GPHN: variants seen among roughly 807,000 people sequenced by gnomAD.
GPHN encodes the protein gephyrin.
GPHN carries 17 observed loss-of-function variants against 95.5 expected under a neutral mutation model. The observed-to-expected ratio is 0.18, with a 90% CI of 0.12 to 0.27. The LOEUF is 0.27. Ranked by LOEUF, GPHN falls within the 10% of genes least tolerant of loss-of-function variation. GPHN has a pLI of 1.00. For synonymous variants in GPHN, 320 were observed against 322.5 expected, an observed-to-expected ratio of 0.99 and a Z score of 0.08; for missense variants, 660 against 978.1, an observed-to-expected ratio of 0.67 and a Z score of 4.34.
At chr14:67,578,685 GA>G in the GPHN span, 1 of 1,118,226 alleles carries the variant, frequency 8.9e-7, no homozygotes, top group Non-Finnish European at 1.3e-6. The surrounding 1 kb of genome is among the most constrained non-coding windows in gnomAD (Gnocchi z 5.0). Context: ...ACTGCCGCAT[GA>G]ATAAGAGGGA....
intron 10 of GPHN, among the ~76,000 whole-genome samples, chr14:67,056,591 T>C (rs550647418): frequency 6.6e-6 from 1 of 152,330 alleles, no homozygotes; most frequent in African/African-American, 2.4e-5. Context: ...TGCTGATTGG[T>C]GCATATACAA....
chr14:66,824,014 G>T (rs759936643), intron 3 of GPHN, among the ~76,000 whole-genome samples: 6 of 152,092 alleles, frequency 3.9e-5, no homozygotes, highest in Non-Finnish European at 7.4e-5. Context: ...TATAAACTAG[G>T]TGTGTAATTT....
chr14:66,941,945 C>A (rs550690560), intron 8 of GPHN, among the ~76,000 whole-genome samples: 30 of 152,182 alleles, frequency 2.0e-4, no homozygotes, highest in African/African-American at 7.0e-4. Context: ...AGCAATATTC[C>A]AAAAAACTCA....
At chr14:67,254,982 C>T in the GPHN span, among the ~76,000 whole-genome samples, 1 of 152,144 alleles carries the variant, frequency 6.6e-6, no homozygotes, top group African/African-American at 2.4e-5. Context: ...AACCTCTTCT[C>T]TACTAAAAAT....
At chr14:66,578,694 C>A (rs1219850601) in intron 1 of GPHN, among the ~76,000 whole-genome samples, 7 of 130,704 alleles carry the variant, frequency 5.4e-5, no homozygotes, top group African/African-American at 8.6e-5. Context: ...ATTTCTTGCT[C>A]AAAGAAAGAA....
At chr14:67,727,484 T>G in the GPHN span, 1 of 345,418 alleles carries the variant, frequency 2.9e-6, no homozygotes, top group Admixed American at 4.5e-5. Flanking sequence ...TTGTTTTTTT[T>G]GTTTTTTTTT....
At chr14:66,515,247 G>A (rs2058193706) in intron 1 of GPHN, among the ~76,000 whole-genome samples, 3 of 152,084 alleles carry the variant, frequency 2.0e-5, no homozygotes. Context: ...CATAGCATCT[G>A]TTAATGAAGT....
At chr14:66,537,901 C>T (rs2059200651) in intron 1 of GPHN, among the ~76,000 whole-genome samples, 1 of 152,154 alleles carries the variant, frequency 6.6e-6, no homozygotes, top group Non-Finnish European at 1.5e-5. Flanking sequence ...GATCATAGCT[C>T]ACTGCAGCCT....
At chr14:67,313,432 CCACCA>C in the GPHN span, among the ~76,000 whole-genome samples, 1 of 152,150 alleles carries the variant, frequency 6.6e-6, no homozygotes, top group African/African-American at 2.4e-5. Flanking sequence ...ATTCCTCCAA[CCACCA>C]TCATATATAT....
At chr14:67,576,055 G>A in the GPHN span, 1 of 1,405,664 alleles carries the variant, frequency 7.1e-7, no homozygotes, top group Admixed American at 2.1e-5. The surrounding 1 kb of genome is among the most constrained non-coding windows in gnomAD (Gnocchi z 4.0). Context: ...CTGTGATTCT[G>A]ATCTTCCCTT....
chr14:67,485,830 G>A, the GPHN span, among the ~76,000 whole-genome samples: 1 of 152,160 alleles, frequency 6.6e-6, no homozygotes, highest in South Asian at 2.1e-4. Context: ...TCTCGCTGAG[G>A]AGGAGATGCT....
the GPHN span, among the ~76,000 whole-genome samples, chr14:67,538,870 A>G: frequency 6.6e-6 from 1 of 152,196 alleles, no homozygotes; most frequent in Non-Finnish European, 1.5e-5. Flanking sequence ...AACTAGGTAT[A>G]ATCTCAGATA....
chr14:67,363,950 G>A, the GPHN span: 1 of 152,154 alleles, frequency 6.6e-6, no homozygotes. Flanking sequence ...TATGATTTCA[G>A]GCTTGTGGAT....
the GPHN span, among the ~76,000 whole-genome samples, chr14:67,250,599 C>T: frequency 2.6e-5 from 4 of 152,194 alleles, no homozygotes; most frequent in Non-Finnish European, 5.9e-5. Context: ...AACACACACA[C>T]TGTTCATACA....
chr14:66,732,175 G>A (rs1223663594), intron 2 of GPHN, among the ~76,000 whole-genome samples: 1 of 152,164 alleles, frequency 6.6e-6, no homozygotes, highest in Non-Finnish European at 1.5e-5. Flanking sequence ...GTCCCCACTG[G>A]GGCACTGCCT....
chr14:66,831,604 A>G (rs527467530), intron 4 of GPHN, among the ~76,000 whole-genome samples: 1 of 152,298 alleles, frequency 6.6e-6, no homozygotes, highest in Admixed American at 6.5e-5. Flanking sequence ...AGATTCCTAA[A>G]TTTAAATATT....
chr14:67,500,346 C>T, the GPHN span, among the ~76,000 whole-genome samples: 14 of 150,682 alleles, frequency 9.3e-5, no homozygotes, highest in East Asian at 8.2e-4. Flanking sequence ...TGGTGGCGGG[C>T]GCCTGTAATC....
chr14:67,157,506 G>T (rs1595422478), intron 18 of GPHN, among the ~76,000 whole-genome samples: 1 of 152,204 alleles, frequency 6.6e-6, no homozygotes, highest in East Asian at 1.9e-4. Flanking sequence ...GCAGAAAAAA[G>T]ATTTTCAAAG....
chr14:67,364,294 T>A, the GPHN span: 1 of 152,246 alleles, frequency 6.6e-6, no homozygotes, highest in African/African-American at 2.4e-5. Context: ...TCATTTGGTA[T>A]ATTGGTTAGG....
Sources: allele counts gnomAD v4.1 joint callset (sites outside exome capture counted in the v4.1 genomes callset), GRCh38; gene constraint gnomAD v4.1.1; non-coding constraint Gnocchi (gnomAD v3.1); transcripts MANE v1.5; gene names NCBI Gene and HGNC (gene_info 2026-07-23, HGNC 2026-07-21).